The following NRXN1 variants were observed in gnomAD, a reference collection of about 807,000 sequenced individuals.
The protein encoded by NRXN1 is neurexin-1.
In NRXN1, 39 loss-of-function variants were observed where a neutral mutation model predicts 150.9. The ratio of observed to expected loss-of-function variants is 0.26; its 90% confidence interval spans 0.20 to 0.34. NRXN1 has a LOEUF of 0.34. Ranked by LOEUF, NRXN1 falls within the 10% of genes least tolerant of loss-of-function variation. NRXN1 has a pLI of 1.00. For missense variants in NRXN1, 1,815 were observed against 1,949.9 expected, an observed-to-expected ratio of 0.93 and a Z score of 1.30; for synonymous variants, 924 against 757.0, an observed-to-expected ratio of 1.22 and a Z score of -3.62.
intron 17 of NRXN1, among the ~76,000 whole-genome samples, chr2:50,277,131 A>T (rs1166244017): frequency 6.6e-6 from 1 of 152,172 alleles, no homozygotes; most frequent in Non-Finnish European, 1.5e-5. Flanking sequence ...GTATAAATAA[A>T]TGGAGTTTAA....
chr2:50,608,966 T>C (rs2104042652), intron 8 of NRXN1, among the ~76,000 whole-genome samples: 1 of 152,282 alleles, frequency 6.6e-6, no homozygotes, highest in African/African-American at 2.4e-5. Flanking sequence ...AAAAATCCAG[T>C]TTCTTATTTA....
chr2:50,416,194 G>A (rs2083528828), intron 17 of NRXN1, among the ~76,000 whole-genome samples: 1 of 152,050 alleles, frequency 6.6e-6, no homozygotes, highest in Non-Finnish European at 1.5e-5. Context: ...GGGGAAAACA[G>A]AGCAATAAAG....
At chr2:50,528,513 G>C (rs1198895361) in intron 12 of NRXN1, 112 bp downstream of exon 12, 8 of 676,290 alleles carry the variant, frequency 1.2e-5, no homozygotes, top group African/African-American at 1.1e-4. Context: ...CTTTAAAAGT[G>C]AGCTCATGAG....
chr2:50,775,508 T>C (rs1703507011), intron 5 of NRXN1, among the ~76,000 whole-genome samples: 1 of 152,160 alleles, frequency 6.6e-6, no homozygotes, highest in Non-Finnish European at 1.5e-5. Context: ...GAGTTTTTAT[T>C]CCACTAACAC....
At chr2:50,689,853 T>TG (rs1691801905) in intron 5 of NRXN1, among the ~76,000 whole-genome samples, 1 of 132,874 alleles carries the variant, frequency 7.5e-6, no homozygotes, top group Non-Finnish European at 1.6e-5. Flanking sequence ...TTTTTGCTTA[T>TG]TTGTGTGTGT....
At chr2:50,032,368 T>C (rs1211093644) in intron 21 of NRXN1, among the ~76,000 whole-genome samples, 1 of 152,012 alleles carries the variant, frequency 6.6e-6, no homozygotes, top group Non-Finnish European at 1.5e-5. Flanking sequence ...GTATTCAAGA[T>C]TAATTGGAGA....
Position 49,921,735 on chromosome 2 carries a change from G to C in NRXN1, c.*209C>G. 1 of 569,464 alleles carries C rather than the reference G, an allele frequency of 1.8e-6. No homozygotes were observed. The highest frequency in any genetic ancestry group is 2.2e-5 in the South Asian group (1 of 44,558). The allele number at this position is 569,464 out of a possible 1,614,324, so 35.3% of individuals were successfully genotyped here. A position where few individuals can be genotyped will look rare whatever the true frequency, so the allele number is the denominator to read the frequency against. ...CACTGTGGATGTTAGGGAATTTATT[G>C]GCCCCTGTTTTTTGTTTTTTGTTTT... On this transcript the variant is annotated 3_prime_UTR_variant, in exon 23 of 23. Coordinates refer to ENST00000401669, the MANE Select transcript of NRXN1 (RefSeq NM_001330078.2).
intron 17 of NRXN1, among the ~76,000 whole-genome samples, chr2:50,438,639 A>T (rs912098063): frequency 6.6e-6 from 1 of 152,132 alleles, no homozygotes; most frequent in African/African-American, 2.4e-5. Context: ...CATGTTTTTT[A>T]ATTTTTGATT....
At chr2:50,981,825 G>GTGTGTGTGTGTGTGTGTA (rs1476520734) in intron 2 of NRXN1, among the ~76,000 whole-genome samples, 1 of 145,650 alleles carries the variant, frequency 6.9e-6, no homozygotes, top group Non-Finnish European at 1.5e-5. Flanking sequence ...AACAATGTGT[G>GTGTGTGTGTGTGTGTGTA]TGTGTGTGTG....
intron 18 of NRXN1, among the ~76,000 whole-genome samples, chr2:50,216,537 T>C (rs2222316): frequency 0.026 from 4,029 of 152,040 alleles, 99 homozygotes; most frequent in Non-Finnish European, 0.036. Context: ...AATGAAGAGA[T>C]TCTACAAGAT....
rs1043337670 is a variant in NRXN1 at position 49,921,023 on chromosome 2, C to T, written c.*921G>A. 2 of 152,296 alleles carry T rather than the reference C, an allele frequency of 1.3e-5. No homozygotes were observed. Among genetic ancestry groups the T allele is most frequent in the Non-Finnish European group, 2.9e-5 (2 of 67,978 alleles). The allele number at this position is 152,296 out of a possible 1,614,324, so 9.4% of individuals were successfully genotyped here. ...GTGGCAAAAAAAAAGAAAAACCCAA[C>T]TGAAATAATTGTTGCTCTGATGTCA... is the stretch of plus-strand genomic sequence containing the variant. On this transcript the variant is annotated 3_prime_UTR_variant, in exon 23 of 23. Transcript: ENST00000401669.
At position 50,541,041 on chromosome 2, in the gene NRXN1, G is replaced by A. The variant is rs10173793; in HGVS notation, c.1760-2405C>T. Among the ~76,000 whole-genome samples, 585 of 152,284 alleles carry A rather than the reference G, an allele frequency of 3.8e-3. 1 individual carries two copies. Among genetic ancestry groups the A allele is most frequent in the African/African-American group, 0.013 (523 of 41,552 alleles). ...AGTTCAATAAGGCCTCCTAAAAGCC[G>A]TAGAATTTTTGAGGATTTGACGAAA... On this transcript the variant is annotated intron_variant, in intron 9 of 22. Transcript: ENST00000401669.
chr2:50,862,124 C>T (rs969533398), intron 5 of NRXN1, among the ~76,000 whole-genome samples: 1 of 151,528 alleles, frequency 6.6e-6, no homozygotes, highest in Non-Finnish European at 1.5e-5. Context: ...ATTGTTTGAA[C>T]CAGGGAGGCA....
chr2:50,163,128 C>A (rs544680615), intron 18 of NRXN1, among the ~76,000 whole-genome samples: 2,053 of 141,852 alleles, frequency 0.014, 64 homozygotes, highest in African/African-American at 0.051. Flanking sequence ...ATAATTTCAA[C>A]TATATATAAC....
At chr2:50,751,827 TC>T (rs986051784) in intron 5 of NRXN1, among the ~76,000 whole-genome samples, 5 of 151,974 alleles carry the variant, frequency 3.3e-5, no homozygotes, top group African/African-American at 1.2e-4. Context: ...AGCAAAACTT[TC>T]CACAGGTGTC....
chr2:50,950,671 C>T (rs1157210143), intron 2 of NRXN1, among the ~76,000 whole-genome samples: 1 of 152,118 alleles, frequency 6.6e-6, no homozygotes, highest in African/African-American at 2.4e-5. Context: ...CAATTCTAAG[C>T]TGAAAAGCAA....
intron 17 of NRXN1, among the ~76,000 whole-genome samples, chr2:50,420,974 G>GACC: frequency 1.0e-5 from 1 of 98,306 alleles, no homozygotes; most frequent in Non-Finnish European, 1.9e-5. Flanking sequence ...GTGTGTGTGT[G>GACC]TGTGTGTGTG....
chr2:50,024,507 A>G (rs969337958), intron 21 of NRXN1, among the ~76,000 whole-genome samples: 1 of 152,160 alleles, frequency 6.6e-6, no homozygotes, highest in Non-Finnish European at 1.5e-5. Flanking sequence ...AGGGGGGAAG[A>G]TTGGGCTTTT....
intron 5 of NRXN1, among the ~76,000 whole-genome samples, chr2:50,808,475 C>CA (rs200850600): frequency 0.014 from 2,067 of 147,632 alleles, 148 homozygotes; most frequent in Admixed American, 0.12. Flanking sequence ...TACTGAAATG[C>CA]AAAAAAAAAG....
Sources: allele counts gnomAD v4.1 joint callset (sites outside exome capture counted in the v4.1 genomes callset), GRCh38; gene constraint gnomAD v4.1.1; transcripts MANE v1.5; gene names NCBI Gene and HGNC (gene_info 2026-07-23, HGNC 2026-07-21).